The following WDR27 variants were observed in gnomAD, a reference collection of about 807,000 sequenced individuals.
The protein encoded by WDR27 is WD repeat-containing protein 27.
Under a neutral mutation model 114.4 loss-of-function variants are expected in WDR27, and 100 were observed. The ratio of observed to expected loss-of-function variants is 0.87; its 90% confidence interval spans 0.74 to 1.03. WDR27 has a LOEUF of 1.03. Ranked by LOEUF, WDR27 falls within the 50% of genes least tolerant of loss-of-function variation. The pLI is 0.00. For synonymous variants in WDR27, 449 were observed against 423.1 expected, an observed-to-expected ratio of 1.06 and a Z score of -0.75; for missense variants, 1,129 against 1,092.9, an observed-to-expected ratio of 1.03 and a Z score of -0.47.
rs143954949 is a variant in WDR27 at position 169,633,057 on chromosome 6, C to A, written c.2113G>T (p.Ala705Ser). ...TCCACGGTCCTGTTCCGGCCAGCTG[C>A]GAGTACGATGTCTGCGATAATCCAG... The part of the protein sequence containing the change: ...VNDFYSHIVL[A>S]AGRNRTVEVF... Residue 705 changes from alanine to serine, a missense_variant, in exon 21 of 26, where the codon GCA (alanine) becomes TCA (serine). Transcript: ENST00000448612. 1.3e-6 allele frequency: 2 copies of A among 1,583,536 alleles called. No individual in the cohort carries two copies. The highest frequency in any genetic ancestry group is 1.3e-5 in the African/African-American group (1 of 74,600).
intron 25 of WDR27, among the ~76,000 whole-genome samples, chr6:169,519,172 C>T (rs1333882192): frequency 6.6e-6 from 1 of 152,200 alleles, no homozygotes; most frequent in Admixed American, 6.5e-5. Context: ...TCCAGATTTT[C>T]CCTTATCTTT....
chr6:169,471,443 G>GAGGT (rs1448291699), intron 25 of WDR27, among the ~76,000 whole-genome samples: 2 of 152,094 alleles, frequency 1.3e-5, no homozygotes, highest in Non-Finnish European at 2.9e-5. Context: ...AAATTAAAAT[G>GAGGT]AGGTAGGAGT....
At chr6:169,632,261 T>C (rs187832514) in intron 21 of WDR27, among the ~76,000 whole-genome samples, 2 of 151,384 alleles carry the variant, frequency 1.3e-5, no homozygotes, top group Admixed American at 1.3e-4. Flanking sequence ...TTAACCAACA[T>C]TGCAATACTT....
chr6:169,448,428 A>C, the WDR27 span, among the ~76,000 whole-genome samples: 1 of 147,870 alleles, frequency 6.8e-6, no homozygotes, highest in Admixed American at 6.7e-5. Flanking sequence ...GTATGTATAT[A>C]TATATATTTT....
chr6:169,667,384 A>G (rs1337931577), intron 5 of WDR27, 197 bp from the exon 6 acceptor site: 33 of 1,231,228 alleles, frequency 2.7e-5, no homozygotes, highest in Non-Finnish European at 3.3e-5. Flanking sequence ...GAAAAAAATA[A>G]CATCACTTCC....
chr6:169,602,974 T>C (rs1298745005), intron 22 of WDR27, among the ~76,000 whole-genome samples: 1 of 151,940 alleles, frequency 6.6e-6, no homozygotes, highest in African/African-American at 2.4e-5. Flanking sequence ...CCCAAGTAGC[T>C]GGGATTACAG....
chr6:169,514,757 A>AATATATATATATATATAT (rs112203960), intron 25 of WDR27, among the ~76,000 whole-genome samples: 115 of 143,520 alleles, frequency 8.0e-4, no homozygotes, highest in African/African-American at 2.5e-3. Context: ...AAAAAAAGAG[A>AATATATATATATATATAT]ATATATATAT....
the WDR27 span, among the ~76,000 whole-genome samples, chr6:169,444,186 A>T: frequency 6.6e-6 from 1 of 151,794 alleles, no homozygotes; most frequent in African/African-American, 2.4e-5. Context: ...CCTTTATCTA[A>T]CTCCCGCAAA....
chr6:169,626,765 C>G (rs922725754), intron 21 of WDR27, among the ~76,000 whole-genome samples: 1 of 152,230 alleles, frequency 6.6e-6, no homozygotes, highest in African/African-American at 2.4e-5. Flanking sequence ...CCCTTCACAG[C>G]AGTGGTTTTT....
intron 24 of WDR27, among the ~76,000 whole-genome samples, chr6:169,578,000 G>GTC (rs570137322): frequency 9.9e-4 from 151 of 151,970 alleles, no homozygotes; most frequent in Middle Eastern, 3.4e-3. Flanking sequence ...AATTCCATCC[G>GTC]TCTCTCTCTC....
At chr6:169,486,612 C>T (rs1788949582) in intron 25 of WDR27, among the ~76,000 whole-genome samples, 1 of 152,212 alleles carries the variant, frequency 6.6e-6, no homozygotes, top group African/African-American at 2.4e-5. Flanking sequence ...CTGCCTCAGC[C>T]TCCTGAGTAG....
rs781151823 is a variant in WDR27, at chr6:169,643,678, A to C, written c.1747+19T>G. The C allele has an allele frequency of 6.2e-7, 1 of 1,608,892 alleles. No individual in the cohort carries two copies. Among genetic ancestry groups the C allele is most frequent in the Admixed American group, 1.7e-5 (1 of 59,676 alleles). Reference sequence around the variant, plus strand: ...CCCATCCTTAAGTTCATACTGACTGAAATTAAGACATGTTTTACCTGAAAA... The same window carrying C: ...CCCATCCTTAAGTTCATACTGACTGCAATTAAGACATGTTTTACCTGAAAA... On this transcript the variant is annotated intron_variant, in intron 17 of 25. Coordinates refer to ENST00000448612, the MANE Select transcript of WDR27 (RefSeq NM_182552.5).
downstream of WDR27, among the ~76,000 whole-genome samples, chr6:169,453,476 C>T (rs933051053): frequency 2.0e-5 from 3 of 152,180 alleles, no homozygotes; most frequent in Admixed American, 6.5e-5. Context: ...CATGCTGGGA[C>T]ACATTGCCTC....
At chr6:169,432,634 G>A in the WDR27 span, among the ~76,000 whole-genome samples, 1 of 152,178 alleles carries the variant, frequency 6.6e-6, no homozygotes, top group African/African-American at 2.4e-5. Context: ...CCATGAGCAT[G>A]AGGCCTCCCC....
intron 25 of WDR27, chr6:169,559,919 T>G (rs1799452749): frequency 6.6e-6 from 1 of 152,240 alleles, no homozygotes; most frequent in Non-Finnish European, 1.5e-5. Flanking sequence ...TATGCCTCAG[T>G]TTCCTTACCT....
At chr6:169,427,890 C>T in the WDR27 span, among the ~76,000 whole-genome samples, 1 of 151,832 alleles carries the variant, frequency 6.6e-6, no homozygotes, top group Admixed American at 6.6e-5. Flanking sequence ...AAACTTGGGC[C>T]GAGCATAAGG....
intron 24 of WDR27, among the ~76,000 whole-genome samples, chr6:169,577,154 C>T (rs1002836839): frequency 6.6e-6 from 1 of 152,012 alleles, no homozygotes; most frequent in East Asian, 1.9e-4. Flanking sequence ...GAGACCCCTG[C>T]GCCCACGGAA....
At chr6:169,653,470 T>C (rs1584927186) in intron 13 of WDR27, among the ~76,000 whole-genome samples, 1 of 152,204 alleles carries the variant, frequency 6.6e-6, no homozygotes, top group African/African-American at 2.4e-5. Context: ...AAATGTCTTT[T>C]ACAAGACTAC....
intron 25 of WDR27, among the ~76,000 whole-genome samples, chr6:169,561,377 G>C (rs1799649550): frequency 6.6e-6 from 1 of 152,090 alleles, no homozygotes; most frequent in East Asian, 1.9e-4. Flanking sequence ...TTGGGGGGCA[G>C]AAAACAAACA....
Sources: gnomAD v4.1 joint callset for allele counts (sites outside exome capture counted in the v4.1 genomes callset) on GRCh38, gnomAD v4.1.1 for gene constraint, MANE v1.5 for transcripts, NCBI Gene and HGNC (gene_info 2026-07-23, HGNC 2026-07-21) for gene names.